AGPAT4: variants seen among roughly 807,000 people sequenced by gnomAD.
AGPAT4 encodes the protein 1-acyl-sn-glycerol-3-phosphate acyltransferase delta.
In AGPAT4, 15 loss-of-function variants were observed where a neutral mutation model predicts 48.0. The observed-to-expected ratio is 0.31, with a 90% CI of 0.21 to 0.48. The LOEUF is 0.48. Ranked by LOEUF, AGPAT4 falls within the 20% of genes least tolerant of loss-of-function variation. The pLI, the probability that AGPAT4 is intolerant of heterozygous loss-of-function variation, is 0.99. For synonymous variants in AGPAT4, 178 were observed against 198.7 expected, an observed-to-expected ratio of 0.90 and a Z score of 0.88; for missense variants, 314 against 482.5, an observed-to-expected ratio of 0.65 and a Z score of 3.27.
At position 161,219,877 on chromosome 6, in the gene AGPAT4, AGGCAGGCAGGCAGG is replaced by A. The variant is rs1781771281; in HGVS notation, c.178+12145_178+12158del. Reference sequence around the variant, plus strand: ...TAGATAGATAGATAGATAGATAGGCAGGCAGGCAGGCAGGCAGGCAGGCAGGCAGGCAGGCAGGC... The same window carrying A: ...TAGATAGATAGATAGATAGATAGGCACAGGCAGGCAGGCAGGCAGGCAGGC... On this transcript the variant is annotated intron_variant, in intron 2 of 8. Coordinates refer to ENST00000320285, the MANE Select transcript of AGPAT4 (RefSeq NM_020133.3). This position sits in a 1 kb window ranked among gnomAD's most constrained non-coding sequence, Gnocchi z 4.9. 5.6e-5 allele frequency among the ~76,000 whole-genome samples: 6 copies of A among 106,552 alleles called. No individual in the cohort carries two copies. Among genetic ancestry groups the A allele is most frequent in the Admixed American group, 3.7e-4 (4 of 10,722 alleles). The allele number at this position is 106,552 out of a possible 152,430, so 69.9% of individuals were successfully genotyped here.
Position 161,146,040 on chromosome 6 carries a change from C to G in AGPAT4, c.843+484G>C, listed in dbSNP as rs1425467587. ...GAACAAGTAGGGGGACCCTGGAGAA[C>G]TGGACCACAGACAGGAACAGGACAG... is the stretch of plus-strand genomic sequence containing the variant. On this transcript the variant is annotated intron_variant, in intron 7 of 8. Coordinates refer to ENST00000320285, the MANE Select transcript of AGPAT4 (RefSeq NM_020133.3). This position sits in a 1 kb window ranked among gnomAD's most constrained non-coding sequence, Gnocchi z 7.1. Among the ~76,000 whole-genome samples, 2 of 151,662 alleles carry G rather than the reference C, an allele frequency of 1.3e-5. No homozygotes were observed. Among genetic ancestry groups the G allele is most frequent in the Non-Finnish European group, 2.9e-5 (2 of 68,036 alleles).
At chr6:161,237,667 C>T (rs1331906107) in intron 1 of AGPAT4, among the ~76,000 whole-genome samples, 2 of 152,184 alleles carry the variant, frequency 1.3e-5, no homozygotes, top group African/African-American at 4.8e-5. Context: ...AAATCTATTA[C>T]TATATCTATA....
rs770061216 is a variant in AGPAT4, at chr6:161,231,947, C to T, written c.178+89G>A. ...AACAAAAAAACAGCTCGGCACACAA[C>T]GAAAGCCTAGTGAATCCATATCAAG... On this transcript the variant is annotated intron_variant, in intron 2 of 8. Coordinates refer to ENST00000320285, the MANE Select transcript of AGPAT4 (RefSeq NM_020133.3). The surrounding 1 kb of genome is among the most constrained non-coding windows in gnomAD (Gnocchi z 5.3). 6.9e-5 allele frequency: 93 copies of T among 1,346,780 alleles called. No individual in the cohort carries two copies. Among genetic ancestry groups the T allele is most frequent in the Non-Finnish European group, 6.1e-5 (60 of 990,512 alleles). 83.4% of individuals were successfully genotyped at this position (1,346,780 alleles called of 1,614,324 possible).
Position 161,200,165 on chromosome 6 carries a change from G to A in AGPAT4, c.178+31871C>T, listed in dbSNP as rs960058878. ...AGCAAAAGGAAAAACTAGAAATTCT[G>A]TGTTCACCCTTCAGCCCGGTCCCCA... On this transcript the variant is annotated intron_variant, in intron 2 of 8. Transcript: ENST00000320285. This position sits in a 1 kb window ranked among gnomAD's most constrained non-coding sequence, Gnocchi z 5.5. Among the ~76,000 whole-genome samples the A allele has an allele frequency of 6.6e-6, 1 of 152,208 alleles. No individual in the cohort carries two copies. The highest frequency in any genetic ancestry group is 1.5e-5 in the Non-Finnish European group (1 of 68,040).
rs1324369762 is a variant in AGPAT4 at position 161,240,097 on chromosome 6, A to G, written c.-89-7795T>C. ...AATAGGTTTGCAGTAAAATGGATACATTTTCATTATGATATTAAGTGACAG... is the reference window on the plus strand; with the variant it reads ...AATAGGTTTGCAGTAAAATGGATACGTTTTCATTATGATATTAAGTGACAG... On this transcript the variant is annotated intron_variant, in intron 1 of 8. Coordinates refer to ENST00000320285, the MANE Select transcript of AGPAT4 (RefSeq NM_020133.3). This position sits in a 1 kb window ranked among gnomAD's most constrained non-coding sequence, Gnocchi z 5.5. Among the ~76,000 whole-genome samples the G allele has an allele frequency of 1.3e-5, 2 of 152,082 alleles. No homozygotes were observed. The highest frequency in any genetic ancestry group is 4.8e-5 in the African/African-American group (2 of 41,420).
At position 161,133,069 on chromosome 6, in the gene AGPAT4, A is replaced by C. The variant is rs1028834589; in HGVS notation, c.*3471T>G. ...CCACTGCTTTAGAGAAAGCTGGATT[A>C]AATCTCTTGAGCAGAAGTAGAGACC... On this transcript the variant is annotated 3_prime_UTR_variant, in exon 9 of 9. Coordinates refer to ENST00000320285, the MANE Select transcript of AGPAT4 (RefSeq NM_020133.3). 1 of 152,232 alleles carries C rather than the reference A, an allele frequency of 6.6e-6. No individual in the cohort carries two copies. The highest frequency in any genetic ancestry group is 1.5e-5 in the Non-Finnish European group (1 of 68,030). 9.4% of individuals were successfully genotyped at this position (152,232 alleles called of 1,614,324 possible). A position where few individuals can be genotyped will look rare whatever the true frequency, so the allele number is the denominator to read the frequency against.
rs375078832 is a variant in AGPAT4 at position 161,247,136 on chromosome 6, G to A, written c.-89-14834C>T. ...ACTCAAATAAAAGCAAATTACCTGC[G>A]GAATCCCCTGTAGAGGAGGAACTCA... On this transcript the variant is annotated intron_variant, in intron 1 of 8. Transcript: ENST00000320285. Among the ~76,000 whole-genome samples, 125 of 152,294 alleles carry A rather than the reference G, an allele frequency of 8.2e-4. No individual in the cohort carries two copies. The South Asian group carries it at 0.024, about 30-fold the overall frequency.
rs1218735390 is a variant in AGPAT4, at chr6:161,225,913, A to G, written c.178+6123T>C. ...TGAGAGGCTTTAAATTCCCTTCATC[A>G]TGGGTCACGGGTCTTTTAAATTCCT... On this transcript the variant is annotated intron_variant, in intron 2 of 8. Coordinates refer to ENST00000320285, the MANE Select transcript of AGPAT4 (RefSeq NM_020133.3). This position sits in a 1 kb window ranked among gnomAD's most constrained non-coding sequence, Gnocchi z 5.0. Among the ~76,000 whole-genome samples the G allele has an allele frequency of 1.3e-5, 2 of 152,110 alleles. No individual in the cohort carries two copies. The highest frequency in any genetic ancestry group is 2.9e-5 in the Non-Finnish European group (2 of 68,022).
rs1782061149 is a variant in AGPAT4, at chr6:161,229,233, T to TC, written c.178+2802dup. 6.6e-6 allele frequency among the ~76,000 whole-genome samples: 1 copy of TC among 152,152 alleles called. No homozygotes were observed. The highest frequency in any genetic ancestry group is 2.4e-5 in the African/African-American group (1 of 41,432). On this transcript the variant is annotated intron_variant, in intron 2 of 8. Coordinates refer to ENST00000320285, the MANE Select transcript of AGPAT4 (RefSeq NM_020133.3). The surrounding 1 kb of genome is among the most constrained non-coding windows in gnomAD (Gnocchi z 6.0). ...TCCGTGTCTCAAGGAAACATTTTTT[T>TC]CTGCCGTTTCCTTAGAAAATCAGCT...
chr6:161,175,299 G>T (rs1302970400), intron 2 of AGPAT4, among the ~76,000 whole-genome samples: 2 of 152,242 alleles, frequency 1.3e-5, no homozygotes, highest in Middle Eastern at 3.4e-3. Context: ...TGGTTGGTAG[G>T]CTATTAATTA....
rs537507615 is a variant in AGPAT4, at chr6:161,215,907, T to C, written c.178+16129A>G. ...TAGAGCAGACATAGTCAAGTTTATC[T>C]ATGCCGGCAAGCAAAACTCTTCGCA... On this transcript the variant is annotated intron_variant, in intron 2 of 8. Coordinates refer to ENST00000320285, the MANE Select transcript of AGPAT4 (RefSeq NM_020133.3). The surrounding 1 kb of genome is among the most constrained non-coding windows in gnomAD (Gnocchi z 4.5). Among the ~76,000 whole-genome samples, 4 of 152,290 alleles carry C rather than the reference T, an allele frequency of 2.6e-5. No individual in the cohort carries two copies. The highest frequency in any genetic ancestry group is 1.3e-4 in the Admixed American group (2 of 15,296).
rs1782139103 is a variant in AGPAT4, at chr6:161,232,103, G to A, written c.111C>T (p.Leu37=). The change falls in exon 2 of 9, where the codon CTC becomes CTT. Residue 37 remains leucine, a synonymous_variant. Coordinates refer to ENST00000320285, the MANE Select transcript of AGPAT4 (RefSeq NM_020133.3). This position sits in a 1 kb window ranked among gnomAD's most constrained non-coding sequence, Gnocchi z 6.8. ...AGAGCTGCTTGTTAATGGGCCAGAG[G>A]AGGAGAGTGAAGAGCTGAATGGTGT... ...IINTIQLFTL[L]LWPINKQLFR... is the part of the protein sequence containing the mutation. The A allele has an allele frequency of 6.2e-7, 1 of 1,614,164 alleles. No homozygotes were observed. Among genetic ancestry groups the A allele is most frequent in the Non-Finnish European group, 8.5e-7 (1 of 1,180,038 alleles).
At chr6:161,175,931 A>G (rs1173270139) in intron 2 of AGPAT4, among the ~76,000 whole-genome samples, 1 of 152,116 alleles carries the variant, frequency 6.6e-6, no homozygotes, top group Non-Finnish European at 1.5e-5. Flanking sequence ...TTCAGTTTCC[A>G]TGTAGTTGAG....
At position 161,130,837 on chromosome 6, in the gene AGPAT4, C is replaced by T. The variant is rs1157637881; in HGVS notation, c.*5703G>A. ...GACACTTTACAAGTCTGAGCCATCC[C>T]GTACTAGTTCATCAACTTTCCTTCC... On this transcript the variant is annotated 3_prime_UTR_variant, in exon 9 of 9. Coordinates refer to ENST00000320285, the MANE Select transcript of AGPAT4 (RefSeq NM_020133.3). 1.5e-5 allele frequency: 8 copies of T among 518,808 alleles called. No homozygotes were observed. The highest frequency in any genetic ancestry group is 5.8e-5 in the Admixed American group (3 of 51,570). The allele number at this position is 518,808 out of a possible 1,614,324, so 32.1% of individuals were successfully genotyped here.
Position 161,142,722 on chromosome 6 carries a change from A to G in AGPAT4, c.844-3102T>C, listed in dbSNP as rs1779293595. Among the ~76,000 whole-genome samples, 1 of 152,040 alleles carries G rather than the reference A, an allele frequency of 6.6e-6. No homozygotes were observed. The highest frequency in any genetic ancestry group is 2.1e-4 in the South Asian group (1 of 4,826). On this transcript the variant is annotated intron_variant, in intron 7 of 8. Coordinates refer to ENST00000320285, the MANE Select transcript of AGPAT4 (RefSeq NM_020133.3). The surrounding 1 kb of genome is among the most constrained non-coding windows in gnomAD (Gnocchi z 6.4). ...GAAAGTTGAGGAACAGAGAGGAAGA[A>G]GCGGCTCCTCTTAGTCAGCAAGTCT...
chr6:161,233,108 AC>A lies in AGPAT4; in HGVS notation c.-89-807del. ...GAGACACATAGACACACACACAAAC[AC>A]CACACACACACACACACACACACAC... On this transcript the variant is annotated intron_variant, in intron 1 of 8. Transcript: ENST00000320285. The surrounding 1 kb of genome is among the most constrained non-coding windows in gnomAD (Gnocchi z 5.4). 7.9e-6 allele frequency among the ~76,000 whole-genome samples: 1 copy of A among 126,440 alleles called. No individual in the cohort carries two copies. Among genetic ancestry groups the A allele is most frequent in the Non-Finnish European group, 1.6e-5 (1 of 62,938 alleles). 82.9% of individuals were successfully genotyped at this position (126,440 alleles called of 152,430 possible).
In AGPAT4 at chr6:161,131,204, C is replaced by T. The variant is rs1230274896; in HGVS notation, c.*5336G>A. ...TGTATGACTCTTACCCAGTGAAAAG[C>T]TTTACTAACACAGCCCTGGGTGCTA... On this transcript the variant is annotated 3_prime_UTR_variant, in exon 9 of 9. Transcript: ENST00000320285. 2 of 256,002 alleles carry T rather than the reference C, an allele frequency of 7.8e-6. No homozygotes were observed. The highest frequency in any genetic ancestry group is 1.6e-5 in the Non-Finnish European group (2 of 126,088). 15.9% of individuals were successfully genotyped at this position (256,002 alleles called of 1,614,324 possible). A position where few individuals can be genotyped will look rare whatever the true frequency, so the allele number is the denominator to read the frequency against.
In AGPAT4 at chr6:161,155,155, C is replaced by T. The variant is rs1008217005; in HGVS notation, c.349-845G>A. ...GGGAGTCTCAGGGCAGTCCTGGGTC[C>T]CCAGGGCTCGGTGTGGCCCTCCCCA... is the stretch of plus-strand genomic sequence containing the variant. On this transcript the variant is annotated intron_variant, in intron 3 of 8. Transcript: ENST00000320285. The surrounding 1 kb of genome is among the most constrained non-coding windows in gnomAD (Gnocchi z 5.8). Among the ~76,000 whole-genome samples the T allele has an allele frequency of 6.6e-6, 1 of 152,154 alleles. No individual in the cohort carries two copies. Among genetic ancestry groups the T allele is most frequent in the Non-Finnish European group, 1.5e-5 (1 of 68,014 alleles).
rs1286852707 is a variant in AGPAT4, at chr6:161,137,615, G to A, written c.1043-981C>T. Among the ~76,000 whole-genome samples, 4 of 151,258 alleles carry A rather than the reference G, an allele frequency of 2.6e-5. No homozygotes were observed. Among genetic ancestry groups the A allele is most frequent in the Non-Finnish European group, 4.4e-5 (3 of 67,984 alleles). The stretch of plus-strand genomic sequence containing the variant: ...TAGAGCAGAAAGAAGTGAGTAAAAC[G>A]TGGACCGTGTGGCCTTGGAAGAGGA... On this transcript the variant is annotated intron_variant, in intron 8 of 8. Coordinates refer to ENST00000320285, the MANE Select transcript of AGPAT4 (RefSeq NM_020133.3). The surrounding 1 kb of genome is among the most constrained non-coding windows in gnomAD (Gnocchi z 6.1).
Sources: gnomAD v4.1 joint callset for allele counts (sites outside exome capture counted in the v4.1 genomes callset) on GRCh38, gnomAD v4.1.1 for gene constraint, Gnocchi (gnomAD v3.1) non-coding constraint, MANE v1.5 for transcripts, NCBI Gene and HGNC (gene_info 2026-07-23, HGNC 2026-07-21) for gene names.